Variants in PVT1 observed in about 807,000 individuals in gnomAD.
PVT1 encodes CXCR4/PVT1 fusion.
intron 4 of PVT1, among the ~76,000 whole-genome samples, chr8:128,005,468 C>A (rs1216329300): frequency 2.0e-5 from 3 of 152,176 alleles, no homozygotes; most frequent in Non-Finnish European, 4.4e-5. Context: ...AATAGCAAAC[C>A]TCTCAAATAG....
chr8:127,795,875 T>A lies in PVT1; in HGVS notation n.195-19T>A, dbSNP rs536499718. ...GGGGTTGTATCAATCCTCAGAACCC[T>A]GAGTGGAACTTTCTACAGGATTTAT... On this transcript the variant is annotated intron_variant and non_coding_transcript_variant, in intron 1 of 10. Transcript: ENST00000651587. The A allele has an allele frequency of 7.7e-4, 131 of 170,320 alleles. 1 individual carries two copies. The highest frequency in any genetic ancestry group is 6.7e-3 in the Middle Eastern group (13 of 1,928). The allele number at this position is 170,320 out of a possible 1,614,324, so 10.6% of individuals were successfully genotyped here.
intron 4 of PVT1, among the ~76,000 whole-genome samples, chr8:128,031,718 A>C (rs984858185): frequency 6.7e-5 from 10 of 150,356 alleles, no homozygotes; most frequent in African/African-American, 2.3e-4. Flanking sequence ...ACTGATTTTT[A>C]TATTAATTCA....
intron 4 of PVT1, among the ~76,000 whole-genome samples, chr8:128,012,883 G>A (rs1423240549): frequency 6.6e-6 from 1 of 152,000 alleles, no homozygotes; most frequent in African/African-American, 2.4e-5. Flanking sequence ...AGAGGGATCT[G>A]GGCTTTGGTG....
intron 3 of PVT1, among the ~76,000 whole-genome samples, chr8:127,979,261 A>T (rs893947455): frequency 6.6e-6 from 1 of 152,258 alleles, no homozygotes; most frequent in Non-Finnish European, 1.5e-5. Context: ...GCTGGGATTC[A>T]TCCACGCATT....
intron 2 of PVT1, among the ~76,000 whole-genome samples, chr8:127,886,671 T>C (rs1210932561): frequency 6.6e-6 from 1 of 152,196 alleles, no homozygotes; most frequent in Non-Finnish European, 1.5e-5. Flanking sequence ...TTGCTAAGCT[T>C]TCTTATCTTT....
chr8:127,817,049 T>C (rs574667593), intron 2 of PVT1, among the ~76,000 whole-genome samples: 2 of 147,938 alleles, frequency 1.4e-5, no homozygotes, highest in East Asian at 4.1e-4. Context: ...GCTGTGGACA[T>C]TTCATACATC....
In PVT1 at chr8:128,051,357, TG is replaced by T. The variant is rs1377271193; in HGVS notation, n.913-18801del. 4.6e-5 allele frequency among the ~76,000 whole-genome samples: 7 copies of T among 152,342 alleles called. No individual in the cohort carries two copies. In the East Asian group the frequency reaches 1.4e-3, roughly 29 times the overall value. On this transcript the variant is annotated intron_variant and non_coding_transcript_variant, in intron 4 of 10. Coordinates refer to ENST00000651587, the Ensembl canonical transcript of PVT1. ...GGAGAGGAGGACTCTTCCCTTCAGA[TG>T]GATGCCCATAATTTTATCTTTAACT...
chr8:127,813,671 T>C (rs762124786), intron 2 of PVT1, among the ~76,000 whole-genome samples: 2 of 152,114 alleles, frequency 1.3e-5, no homozygotes, highest in Non-Finnish European at 2.9e-5. Context: ...AAAATGGGAA[T>C]ACAAATGGTC....
intron 4 of PVT1, among the ~76,000 whole-genome samples, chr8:128,008,159 G>T (rs1817269815): frequency 1.3e-5 from 2 of 152,298 alleles, no homozygotes; most frequent in South Asian, 2.1e-4. Context: ...ATCTAAACCC[G>T]ATTAATTAGT....
rs999397000 is a variant in PVT1 at position 128,044,218 on chromosome 8, T to TC, written n.913-25938dup. 4.4e-4 allele frequency among the ~76,000 whole-genome samples: 43 copies of TC among 97,376 alleles called. No individual in the cohort carries two copies. In the East Asian group the frequency reaches 5.8e-3, roughly 13 times the overall value. The allele number at this position is 97,376 out of a possible 152,430, so 63.9% of individuals were successfully genotyped here. On this transcript the variant is annotated intron_variant and non_coding_transcript_variant, in intron 4 of 10. Transcript: ENST00000651587. ...ACAGCACCCACCTCGCACCTCCATC[T>TC]CCCCTTTTTTTTTCTATCTTAATTG...
At chr8:128,057,762 T>C (rs1304611734) in intron 4 of PVT1, among the ~76,000 whole-genome samples, 1 of 152,108 alleles carries the variant, frequency 6.6e-6, no homozygotes, top group Non-Finnish European at 1.5e-5. Flanking sequence ...CGGCATTAAA[T>C]CTCCCCCACG....
intron 3 of PVT1, among the ~76,000 whole-genome samples, chr8:127,927,633 G>A (rs1816146892): frequency 6.6e-6 from 1 of 152,078 alleles, no homozygotes; most frequent in Non-Finnish European, 1.5e-5. Context: ...GAAATTAGAG[G>A]CTATGTTCTG....
intron 5 of PVT1, among the ~76,000 whole-genome samples, chr8:128,087,081 G>C (rs1403157152): frequency 6.6e-6 from 1 of 152,216 alleles, no homozygotes; most frequent in Non-Finnish European, 1.5e-5. Flanking sequence ...ATTGGCAATA[G>C]TGGAGCATCT....
At chr8:128,081,042 GCTGT>G (rs947371880) in intron 5 of PVT1, among the ~76,000 whole-genome samples, 16 of 152,230 alleles carry the variant, frequency 1.1e-4, no homozygotes, top group Non-Finnish European at 1.8e-4. Flanking sequence ...CTGTTTCCAG[GCTGT>G]CTGTTCTGTT....
At chr8:128,089,802 A>T (rs998618638) in intron 5 of PVT1, among the ~76,000 whole-genome samples, 2 of 152,196 alleles carry the variant, frequency 1.3e-5, no homozygotes, top group African/African-American at 4.8e-5. Context: ...CTGAAAGGGG[A>T]AAACAACAGG....
intron 3 of PVT1, among the ~76,000 whole-genome samples, chr8:127,925,734 T>A (rs942479625): frequency 2.0e-5 from 3 of 152,076 alleles, no homozygotes; most frequent in Non-Finnish European, 4.4e-5. Flanking sequence ...CTCTGCCTCC[T>A]GGGTTCAAGC....
Position 128,008,059 on chromosome 8 carries a change from C to G in PVT1, n.912+18768C>G, listed in dbSNP as rs141404020. On this transcript the variant is annotated intron_variant and non_coding_transcript_variant, in intron 4 of 10. Transcript: ENST00000651587. Reference sequence around the variant, plus strand: ...TAAGATTGTATCATTTTGGTCTCCCCAGAGAAATGAAAAATTAGAAATTGG... The same window carrying G: ...TAAGATTGTATCATTTTGGTCTCCCGAGAGAAATGAAAAATTAGAAATTGG... Among the ~76,000 whole-genome samples, 667 of 152,266 alleles carry G rather than the reference C, an allele frequency of 4.4e-3. 4 individuals carry two copies. Among genetic ancestry groups the G allele is most frequent in the African/African-American group, 0.015 (632 of 41,528 alleles).
intron 2 of PVT1, among the ~76,000 whole-genome samples, chr8:127,841,900 C>A (rs902714381): frequency 3.3e-5 from 5 of 151,720 alleles, no homozygotes; most frequent in African/African-American, 4.8e-5. Context: ...TAATTTCTGT[C>A]TTTTTAGTAG....
chr8:128,076,564 A>G (rs1357970162), intron 5 of PVT1, among the ~76,000 whole-genome samples: 1 of 152,058 alleles, frequency 6.6e-6, no homozygotes, highest in African/African-American at 2.4e-5. Flanking sequence ...AAGGTTGTGG[A>G]CCCCTGAATT....
Sources: gnomAD v4.1 joint callset for allele counts (sites outside exome capture counted in the v4.1 genomes callset) on GRCh38, gnomAD v4.1.1 for gene constraint, MANE v1.5 for transcripts, NCBI Gene and HGNC (gene_info 2026-07-23, HGNC 2026-07-21) for gene names.